The following BCL2 variants were observed in gnomAD, a reference collection of about 807,000 sequenced individuals.
BCL2 encodes BCL2 apoptosis regulator.
A neutral mutation model predicts 14.2 loss-of-function variants in BCL2; 1 was observed. That is an observed-to-expected ratio of 0.07 (90% confidence interval 0.02 to 0.33). BCL2 has a LOEUF of 0.33. Ranked by LOEUF, BCL2 falls within the 10% of genes least tolerant of loss-of-function variation. BCL2 has a pLI of 0.99. For synonymous variants in BCL2, 151 were observed against 137.2 expected, an observed-to-expected ratio of 1.10 and a Z score of -0.70; for missense variants, 247 against 305.9, an observed-to-expected ratio of 0.81 and a Z score of 1.44.
chr18:63,125,327 CAG>C lies in BCL2; in HGVS notation c.*3296_*3297del, dbSNP rs1424496926. ...ACTTTATTCCAAATCTTAAGCCTGC[CAG>C]AGTTTTCTGCCCCTGCCAAATCTTC... On this transcript the variant is annotated 3_prime_UTR_variant, in exon 3 of 3. Coordinates refer to ENST00000333681, the MANE Select transcript of BCL2 (RefSeq NM_000633.3). 4.4e-6 allele frequency: 1 copy of C among 226,182 alleles called. No homozygotes were observed. Among genetic ancestry groups the C allele is most frequent in the African/African-American group, 2.2e-5 (1 of 44,926 alleles). 14.0% of individuals were successfully genotyped at this position (226,182 alleles called of 1,614,324 possible).
chr18:63,155,078 C>T (rs1183213404), intron 2 of BCL2, among the ~76,000 whole-genome samples: 2 of 152,204 alleles, frequency 1.3e-5, no homozygotes, highest in Non-Finnish European at 2.9e-5. Flanking sequence ...TGAGCCTCAA[C>T]TTATTCATCT....
chr18:63,276,107 G>C (rs921845170), intron 2 of BCL2, among the ~76,000 whole-genome samples: 9 of 152,186 alleles, frequency 5.9e-5, no homozygotes, highest in African/African-American at 1.9e-4. Flanking sequence ...AGGTGGCTCT[G>C]GGGTAGAAAG....
chr18:63,235,793 T>TA (rs1448527403), intron 2 of BCL2, among the ~76,000 whole-genome samples: 3 of 151,668 alleles, frequency 2.0e-5, no homozygotes, highest in African/African-American at 7.3e-5. Context: ...TCTTTCACAA[T>TA]AAAAAAATAC....
At chr18:63,221,578 G>A (rs1161126131) in intron 2 of BCL2, among the ~76,000 whole-genome samples, 1 of 152,234 alleles carries the variant, frequency 6.6e-6, no homozygotes, top group African/African-American at 2.4e-5. Context: ...GAAGCCCTGG[G>A]AATAGTGGTG....
intron 2 of BCL2, among the ~76,000 whole-genome samples, chr18:63,214,362 G>C (rs1015736590): frequency 6.6e-6 from 1 of 152,206 alleles, no homozygotes; most frequent in Non-Finnish European, 1.5e-5. Flanking sequence ...GGCCTGGAAG[G>C]CCTAACCCTT....
rs547839234 is a variant in BCL2, at chr18:63,300,661, G to T, written c.585+17421C>A. The stretch of plus-strand genomic sequence containing the variant: ...ACTACTCACTTTCCCTGAACTCTTT[G>T]ACTCTTCCTACAGAAAATAACTCTG... On this transcript the variant is annotated intron_variant, in intron 2 of 2. Transcript: ENST00000333681. 9.2e-5 allele frequency among the ~76,000 whole-genome samples: 14 copies of T among 152,156 alleles called. No homozygotes were observed. The East Asian group carries it at 2.3e-3, about 25-fold the overall frequency.
At chr18:63,279,693 TA>T (rs1293602346) in intron 2 of BCL2, among the ~76,000 whole-genome samples, 1 of 152,192 alleles carries the variant, frequency 6.6e-6, no homozygotes, top group Non-Finnish European at 1.5e-5. Context: ...ACAGGATGAA[TA>T]AATACAGTGG....
chr18:63,209,798 G>A (rs1302578106), intron 2 of BCL2, among the ~76,000 whole-genome samples: 1 of 152,152 alleles, frequency 6.6e-6, no homozygotes, highest in Non-Finnish European at 1.5e-5. Context: ...CTGAGTGGGG[G>A]AAGACAGAGA....
At chr18:63,181,932 G>A (rs1187028358) in intron 2 of BCL2, among the ~76,000 whole-genome samples, 3 of 152,188 alleles carry the variant, frequency 2.0e-5, no homozygotes, top group Admixed American at 6.5e-5. Flanking sequence ...CAGAGATGGG[G>A]CAGGCACATC....
intron 2 of BCL2, among the ~76,000 whole-genome samples, chr18:63,232,762 C>T (rs1910723879): frequency 6.6e-6 from 1 of 152,176 alleles, no homozygotes. Flanking sequence ...CCCAGTAATT[C>T]CACTTCTTCT....
At chr18:63,302,221 T>C (rs1429734856) in intron 2 of BCL2, 1 of 514,134 alleles carries the variant, frequency 1.9e-6, no homozygotes, top group Non-Finnish European at 2.5e-6. Flanking sequence ...TAATCCCAGC[T>C]ACTCGGGAGG....
At chr18:63,222,588 A>T (rs1468769958) in intron 2 of BCL2, among the ~76,000 whole-genome samples, 2 of 152,254 alleles carry the variant, frequency 1.3e-5, no homozygotes, top group Non-Finnish European at 2.9e-5. Flanking sequence ...TAGAACTCCT[A>T]GTAATCACTC....
intron 2 of BCL2, among the ~76,000 whole-genome samples, chr18:63,183,146 C>T (rs1915515671): frequency 6.6e-6 from 1 of 152,112 alleles, no homozygotes; most frequent in African/African-American, 2.4e-5. Flanking sequence ...ACAAAACCTT[C>T]CACCCGAAGT....
At chr18:63,232,054 A>G (rs1055535130) in intron 2 of BCL2, among the ~76,000 whole-genome samples, 7 of 152,056 alleles carry the variant, frequency 4.6e-5, no homozygotes, top group African/African-American at 7.2e-5. Context: ...ATAGCATTAC[A>G]AACTATGGGG....
intron 2 of BCL2, among the ~76,000 whole-genome samples, chr18:63,304,235 T>C (rs1372781345): frequency 2.0e-5 from 3 of 152,240 alleles, no homozygotes; most frequent in Non-Finnish European, 2.9e-5. Flanking sequence ...GTTCTTAACC[T>C]GTCATGTTTT....
At chr18:63,204,657 T>C (rs1217807710) in intron 2 of BCL2, among the ~76,000 whole-genome samples, 1 of 152,236 alleles carries the variant, frequency 6.6e-6, no homozygotes, top group African/African-American at 2.4e-5. Flanking sequence ...TAAACCACTA[T>C]GTTATGGAGT....
intron 2 of BCL2, among the ~76,000 whole-genome samples, chr18:63,308,499 T>C (rs1055630118): frequency 2.7e-4 from 41 of 152,306 alleles, no homozygotes; most frequent in African/African-American, 9.1e-4. Context: ...ACTAGGCATA[T>C]GTACATACAC....
chr18:63,291,551 A>T (rs1280416975), intron 2 of BCL2, among the ~76,000 whole-genome samples: 1 of 152,164 alleles, frequency 6.6e-6, no homozygotes, highest in African/African-American at 2.4e-5. Flanking sequence ...CATTCAGAGG[A>T]AGTTAAATAC....
At position 63,227,939 on chromosome 18, in the gene BCL2, CAGA is replaced by C. The variant is rs138870968; in HGVS notation, c.585+90140_585+90142del. Among the ~76,000 whole-genome samples, 101 of 152,348 alleles carry C rather than the reference CAGA, an allele frequency of 6.6e-4. 2 individuals carry two copies. In the East Asian group the frequency reaches 0.015, roughly 23 times the overall value. ...GCCACAGACCAGGTGTCTTAAACAGCAGAAGTTTACTTCTCACAGTTCTGGAGG... is the reference window on the plus strand; with the variant it reads ...GCCACAGACCAGGTGTCTTAAACAGCAGTTTACTTCTCACAGTTCTGGAGG... On this transcript the variant is annotated intron_variant, in intron 2 of 2. Coordinates refer to ENST00000333681, the MANE Select transcript of BCL2 (RefSeq NM_000633.3).
Sources: allele counts gnomAD v4.1 joint callset (sites outside exome capture counted in the v4.1 genomes callset), GRCh38; gene constraint gnomAD v4.1.1; transcripts MANE v1.5; gene names NCBI Gene and HGNC (gene_info 2026-07-23, HGNC 2026-07-21).